DPP10: variants seen among roughly 807,000 people sequenced by gnomAD.
DPP10 encodes the protein dipeptidyl peptidase like 10.
Under a neutral mutation model 120.9 loss-of-function variants are expected in DPP10, and 33 were observed. The ratio of observed to expected loss-of-function variants is 0.27; its 90% CI spans 0.21 to 0.37. The LOEUF is 0.37. DPP10 is among the 10% of genes least tolerant of loss of function. The pLI is 1.00. For synonymous variants in DPP10, 337 were observed against 326.1 expected, an observed-to-expected ratio of 1.03 and a Z score of -0.36; for missense variants, 816 against 942.8, an observed-to-expected ratio of 0.87 and a Z score of 1.76.
At chr2:115,676,976 C>T (rs528566461) in intron 5 of DPP10, among the ~76,000 whole-genome samples, 9 of 152,134 alleles carry the variant, frequency 5.9e-5, no homozygotes, top group South Asian at 2.1e-4. Flanking sequence ...ATCAGAGAAA[C>T]GGTAAATTTG....
At chr2:115,081,061 CT>C (rs777497285) in intron 1 of DPP10, among the ~76,000 whole-genome samples, 2 of 152,052 alleles carry the variant, frequency 1.3e-5, no homozygotes, top group Non-Finnish European at 2.9e-5. Flanking sequence ...TTTTCTCAGT[CT>C]TTTTTTCCCC....
At chr2:115,782,451 G>C (rs1217080902) in intron 17 of DPP10, 52 bp downstream of exon 17, 1 of 1,506,462 alleles carries the variant, frequency 6.6e-7, no homozygotes, top group South Asian at 1.1e-5. Context: ...ATTAGTCTTA[G>C]ACATCGTGTT....
intron 1 of DPP10, among the ~76,000 whole-genome samples, chr2:114,775,597 C>T (rs1315662947): frequency 1.3e-5 from 2 of 151,950 alleles, no homozygotes; most frequent in Admixed American, 1.3e-4. Context: ...AAAGTTCTAG[C>T]AGGCTGAGGA....
intron 3 of DPP10, among the ~76,000 whole-genome samples, chr2:115,421,351 A>G (rs995924426): frequency 1.3e-5 from 2 of 152,172 alleles, no homozygotes; most frequent in Non-Finnish European, 2.9e-5. Flanking sequence ...AAATAGGTGG[A>G]AACAAATAAA....
intron 1 of DPP10, among the ~76,000 whole-genome samples, chr2:115,285,599 G>T (rs2060332562): frequency 6.6e-6 from 1 of 152,136 alleles, no homozygotes; most frequent in East Asian, 1.9e-4. Flanking sequence ...ACACTTGGTG[G>T]ATTAAAGATC....
At chr2:115,232,488 A>G (rs1275334050) in intron 1 of DPP10, among the ~76,000 whole-genome samples, 2 of 152,176 alleles carry the variant, frequency 1.3e-5, no homozygotes, top group East Asian at 1.9e-4. Context: ...TTGAACTTAT[A>G]CATGCTTCAA....
chr2:114,491,981 T>C (rs958647462), intron 1 of DPP10, among the ~76,000 whole-genome samples: 1 of 152,070 alleles, frequency 6.6e-6, no homozygotes, highest in Admixed American at 6.6e-5. Flanking sequence ...GCTCAAAAAA[T>C]GGACTAATGA....
chr2:115,563,697 A>G (rs1199554212), intron 5 of DPP10, among the ~76,000 whole-genome samples: 1 of 152,216 alleles, frequency 6.6e-6, no homozygotes, highest in South Asian at 2.1e-4. Flanking sequence ...TCGTAAGGAA[A>G]TATTTCTGAG....
At position 114,473,673 on chromosome 2, in the gene DPP10, G is replaced by A. The variant is rs531459658; in HGVS notation, c.60+30835G>A. 4.6e-5 allele frequency among the ~76,000 whole-genome samples: 7 copies of A among 152,252 alleles called. No homozygotes were observed. In the South Asian group the frequency reaches 1.5e-3, roughly 32 times the overall value. ...AGATATTGAACCTTAGAGGACTCAT[G>A]AAGTTACATAAGGTAAACACGTGCA... On this transcript the variant is annotated intron_variant, in intron 1 of 25. Transcript: ENST00000410059.
At chr2:115,682,832 G>C (rs1370720818) in intron 5 of DPP10, among the ~76,000 whole-genome samples, 1 of 151,752 alleles carries the variant, frequency 6.6e-6, no homozygotes, top group Non-Finnish European at 1.5e-5. Flanking sequence ...CAGTTAGAGA[G>C]TATTTCTGAA....
chr2:115,229,109 T>C (rs937876271), intron 1 of DPP10, among the ~76,000 whole-genome samples: 2 of 152,200 alleles, frequency 1.3e-5, no homozygotes, highest in Non-Finnish European at 2.9e-5. Flanking sequence ...AGCTTTGATT[T>C]GCATATCTCT....
intron 5 of DPP10, among the ~76,000 whole-genome samples, chr2:115,638,524 G>T (rs1164195082): frequency 1.3e-5 from 2 of 152,172 alleles, no homozygotes; most frequent in Non-Finnish European, 2.9e-5. Context: ...AGGTCAAAAT[G>T]TCATGTAAAA....
Position 115,577,874 on chromosome 2 carries a change from C to T in DPP10, c.441+51902C>T, listed in dbSNP as rs188063665. On this transcript the variant is annotated intron_variant, in intron 5 of 25. Coordinates refer to ENST00000410059, the MANE Select transcript of DPP10 (RefSeq NM_020868.6). ...TTTAACTTACTTTTCTCTTTAAAGA[C>T]CCTGTATCTAAATGCAGTCACATTC... 1.3e-3 allele frequency among the ~76,000 whole-genome samples: 193 copies of T among 152,226 alleles called. 2 individuals carry two copies. The highest frequency in any genetic ancestry group is 4.6e-3 in the African/African-American group (190 of 41,546).
intron 1 of DPP10, among the ~76,000 whole-genome samples, chr2:114,901,756 T>G (rs985151831): frequency 1.3e-5 from 2 of 152,166 alleles, no homozygotes; most frequent in African/African-American, 4.8e-5. Context: ...AGGGCAGAGC[T>G]TTCAGTGAAA....
intron 4 of DPP10, among the ~76,000 whole-genome samples, chr2:115,519,763 C>A (rs1040141837): frequency 2.0e-5 from 3 of 152,146 alleles, no homozygotes; most frequent in African/African-American, 4.8e-5. Flanking sequence ...TTCTTTTCAA[C>A]TAGATCGTAA....
At chr2:115,100,459 A>AACACACAC (rs142076600) in intron 1 of DPP10, among the ~76,000 whole-genome samples, 1 of 150,370 alleles carries the variant, frequency 6.7e-6, no homozygotes, top group Admixed American at 6.6e-5. Flanking sequence ...TAAATTAAAA[A>AACACACAC]ACACACACAC....
chr2:115,660,704 A>T (rs576458092), intron 5 of DPP10, among the ~76,000 whole-genome samples: 8 of 49,382 alleles, frequency 1.6e-4, no homozygotes, highest in Non-Finnish European at 4.3e-5. Context: ...TCTTAATTGC[A>T]TTGCATGGAT....
chr2:115,239,466 G>C (rs1462505186), intron 1 of DPP10, among the ~76,000 whole-genome samples: 1 of 152,136 alleles, frequency 6.6e-6, no homozygotes, highest in Non-Finnish European at 1.5e-5. Flanking sequence ...TCCTCCACCA[G>C]CAAAACATTT....
At chr2:114,950,516 A>G (rs1327359984) in intron 1 of DPP10, among the ~76,000 whole-genome samples, 2 of 151,466 alleles carry the variant, frequency 1.3e-5, no homozygotes, top group Non-Finnish European at 1.5e-5. Flanking sequence ...CGGTGTTAGC[A>G]GGATGGTCTC....
Sources: gnomAD v4.1 joint callset for allele counts (sites outside exome capture counted in the v4.1 genomes callset) on GRCh38, gnomAD v4.1.1 for gene constraint, MANE v1.5 for transcripts, NCBI Gene and HGNC (gene_info 2026-07-23, HGNC 2026-07-21) for gene names.